GRAMD4: variants seen among roughly 807,000 people sequenced by gnomAD.
GRAMD4 encodes GRAM domain-containing protein 4.
Under a neutral mutation model 83.9 loss-of-function variants are expected in GRAMD4, and 25 were observed. That is an observed-to-expected ratio of 0.30 (90% CI 0.22 to 0.42). GRAMD4 has a LOEUF of 0.42. Ranked by LOEUF, GRAMD4 falls within the 10% of genes least tolerant of loss-of-function variation. The probability of loss-of-function intolerance (pLI) is 1.00; values close to 1 mark genes in which losing one functional copy is unlikely to be tolerated. For missense variants in GRAMD4, 593 were observed against 788.7 expected, an observed-to-expected ratio of 0.75 and a Z score of 2.97; for synonymous variants, 336 against 320.9, an observed-to-expected ratio of 1.05 and a Z score of -0.50.
chr22:46,585,772 G>A (rs1233137989), intron 1 of GRAMD4, among the ~76,000 whole-genome samples: 1 of 152,232 alleles, frequency 6.6e-6, no homozygotes, highest in African/African-American at 2.4e-5. Context: ...GGAGCGACAA[G>A]GAGGGCTCCC....
intron 1 of GRAMD4, among the ~76,000 whole-genome samples, chr22:46,590,669 C>T (rs556026000): frequency 2.0e-5 from 3 of 152,290 alleles, no homozygotes; most frequent in Admixed American, 6.5e-5. Context: ...CCCGCCAGGG[C>T]GTGCTTGGGT....
intron 1 of GRAMD4, among the ~76,000 whole-genome samples, chr22:46,613,370 C>G (rs1402576287): frequency 2.6e-5 from 4 of 152,248 alleles, no homozygotes; most frequent in Non-Finnish European, 5.9e-5. Context: ...CCTCGAGGCT[C>G]TCCAGCCCCG....
At chr22:46,597,260 A>T (rs2081270724) in intron 1 of GRAMD4, among the ~76,000 whole-genome samples, 1 of 152,128 alleles carries the variant, frequency 6.6e-6, no homozygotes, top group Non-Finnish European at 1.5e-5. Flanking sequence ...CTGCTAAGCA[A>T]GGCTGTTTTA....
chr22:46,588,345 C>G (rs970985011), intron 1 of GRAMD4, among the ~76,000 whole-genome samples: 11 of 152,348 alleles, frequency 7.2e-5, no homozygotes, highest in Admixed American at 5.9e-4. Context: ...TGTCCGTCTT[C>G]CATCCCTCCA....
chr22:46,604,414 C>T (rs1039061007), intron 1 of GRAMD4, among the ~76,000 whole-genome samples: 2 of 151,920 alleles, frequency 1.3e-5, no homozygotes, highest in Admixed American at 1.3e-4. Flanking sequence ...CACAATGTAC[C>T]GTCTTAACCA....
chr22:46,584,193 C>T (rs1011953421), intron 1 of GRAMD4, among the ~76,000 whole-genome samples: 11 of 152,102 alleles, frequency 7.2e-5, no homozygotes, highest in African/African-American at 2.7e-4. Flanking sequence ...CATTCCCTGC[C>T]CAGGCCTAGA....
Position 46,678,912 on chromosome 22 carries a change from G to A in GRAMD4, c.*1661G>A. The A allele has an allele frequency of 1.0e-6, 1 of 985,900 alleles. No individual in the cohort carries two copies. The highest frequency in any genetic ancestry group is 1.2e-6 in the Non-Finnish European group (1 of 830,012). 61.1% of individuals were successfully genotyped at this position (985,900 alleles called of 1,614,324 possible). A position where few individuals can be genotyped will look rare whatever the true frequency, so the allele number is the denominator to read the frequency against. ...AGCGGAGCCCCCGTGGCTCTGGACTGCGCGGACGTTGGCGTCAGGATGACC... is the reference window on the plus strand; with the variant it reads ...AGCGGAGCCCCCGTGGCTCTGGACTACGCGGACGTTGGCGTCAGGATGACC... On this transcript the variant is annotated 3_prime_UTR_variant, in exon 19 of 19. Transcript: ENST00000406902.
upstream of GRAMD4, among the ~76,000 whole-genome samples, chr22:46,617,217 T>C (rs1168095448): frequency 7.1e-6 from 1 of 141,034 alleles, no homozygotes; most frequent in African/African-American, 2.7e-5. Context: ...CCTGTGCGTG[T>C]GGGTTCCCCC....
rs543160633 is a variant in GRAMD4, at chr22:46,608,003, T to C, written c.-49-18748T>C. Among the ~76,000 whole-genome samples, 5 of 152,188 alleles carry C rather than the reference T, an allele frequency of 3.3e-5. No homozygotes were observed. In the South Asian group the frequency reaches 1.0e-3, roughly 32 times the overall value. On this transcript the variant is annotated intron_variant, in intron 1 of 1. Transcript: ENST00000431155. The stretch of plus-strand genomic sequence containing the variant: ...AGGGCAGCACTTCCAGCTCCATGGG[T>C]TTGTTGGCCTCGCCTCCTCTGTATC...
At chr22:46,607,383 A>G (rs1393430258) in intron 1 of GRAMD4, among the ~76,000 whole-genome samples, 1 of 152,190 alleles carries the variant, frequency 6.6e-6, no homozygotes, top group African/African-American at 2.4e-5. Flanking sequence ...GCCAATAGTT[A>G]TGGGTTCTTA....
intron 4 of GRAMD4, 142 bp downstream of exon 4, chr22:46,658,449 C>A: frequency 2.5e-6 from 2 of 801,484 alleles, no homozygotes; most frequent in Non-Finnish European, 3.8e-6. Context: ...TGAGGGTGGG[C>A]CCGGCTCTGA....
At position 46,673,116 on chromosome 22, in the gene GRAMD4, T is replaced by C. The variant is rs550574033; in HGVS notation, c.1239+119T>C. 19 of 828,218 alleles carry C rather than the reference T, an allele frequency of 2.3e-5. No homozygotes were observed. The African/African-American group carries it at 2.9e-4, about 13-fold the overall frequency. 51.3% of individuals were successfully genotyped at this position (828,218 alleles called of 1,614,324 possible). A position where few individuals can be genotyped will look rare whatever the true frequency, so the allele number is the denominator to read the frequency against. On this transcript the variant is annotated intron_variant, in intron 14 of 18. Transcript: ENST00000406902. ...TTTAGAGGCTGTTTCTTCAATTTTA[T>C]AGACTCCTTAAACTTGAGGGTTTTT...
rs1238229081 is a variant in GRAMD4 at position 46,603,327 on chromosome 22, C to T, written c.-49-23424C>T. 1.7e-4 allele frequency among the ~76,000 whole-genome samples: 25 copies of T among 150,816 alleles called. 1 individual carries two copies. The highest frequency in any genetic ancestry group is 3.0e-4 in the Non-Finnish European group (20 of 67,778). ...GGTTTACACCATTCTCCTGCCTCAG[C>T]CTCCCGAGTAGCTGGGACCACAGGC... On this transcript the variant is annotated intron_variant, in intron 1 of 1. Coordinates refer to the GRAMD4 transcript ENST00000431155.
At chr22:46,629,231 T>G (rs2081727629) in intron 2 of GRAMD4, among the ~76,000 whole-genome samples, 1 of 152,110 alleles carries the variant, frequency 6.6e-6, no homozygotes, top group Non-Finnish European at 1.5e-5. Flanking sequence ...GTTCCTTAGC[T>G]GTGTAACCTG....
chr22:46,635,152 C>CCCG (rs756546053), intron 2 of GRAMD4, among the ~76,000 whole-genome samples: 1 of 140,802 alleles, frequency 7.1e-6, no homozygotes, highest in African/African-American at 2.8e-5. Context: ...TCCCTGCCTC[C>CCCG]ACCCCTGGCC....
intron 3 of GRAMD4, among the ~76,000 whole-genome samples, chr22:46,652,128 G>A (rs1424867452): frequency 6.6e-6 from 1 of 152,188 alleles, no homozygotes; most frequent in African/African-American, 2.4e-5. Context: ...GCCTCCCATG[G>A]CAGAAGGGAC....
At chr22:46,682,257 GC>G (rs2082674528), downstream of GRAMD4, among the ~76,000 whole-genome samples, 1 of 152,230 alleles carries the variant, frequency 6.6e-6, no homozygotes, top group Admixed American at 6.5e-5. Flanking sequence ...GCTGGCCCAT[GC>G]CCCTGCCATC....
rs577618843 is a variant in GRAMD4, at chr22:46,624,324, C to CTTT, written c.-49-2404_-49-2402dup. ...TTCATAGCTACTAAGTTCCCTCTTC[C>CTTT]TTTTTTTTTTTTTTTTTTTTTTTTT... On this transcript the variant is annotated intron_variant, in intron 1 of 18. Transcript: ENST00000406902. Among the ~76,000 whole-genome samples the CTTT allele has an allele frequency of 7.0e-3, 486 of 69,544 alleles. 111 individuals are homozygous for CTTT. The highest frequency in any genetic ancestry group is 0.028 in the African/African-American group (355 of 12,634). The allele number at this position is 69,544 out of a possible 152,430, so 45.6% of individuals were successfully genotyped here. A position where few individuals can be genotyped will look rare whatever the true frequency, so the allele number is the denominator to read the frequency against.
chr22:46,584,830 C>T (rs1442708026), intron 1 of GRAMD4, among the ~76,000 whole-genome samples: 4 of 152,202 alleles, frequency 2.6e-5, no homozygotes, highest in South Asian at 2.1e-4. Context: ...TGCTTTGAGA[C>T]GTGAAAGTGG....
Sources: allele counts gnomAD v4.1 joint callset (sites outside exome capture counted in the v4.1 genomes callset), GRCh38; gene constraint gnomAD v4.1.1; transcripts MANE v1.5; gene names NCBI Gene and HGNC (gene_info 2026-07-23, HGNC 2026-07-21).